The following PAPPA variants were observed in gnomAD, a reference collection of about 807,000 sequenced individuals.
PAPPA encodes pappalysin 1.
A neutral mutation model predicts 164.0 loss-of-function variants in PAPPA; 60 were observed. The ratio of observed to expected loss-of-function variants is 0.37; its 90% CI spans 0.30 to 0.45. The LOEUF (loss-of-function observed/expected upper bound fraction) is 0.45, where lower values mean the gene tolerates loss of function less well. PAPPA is among the 20% of genes least tolerant of loss of function. PAPPA has a pLI of 1.00. For missense variants in PAPPA, 1,782 were observed against 2,087.3 expected (o/e 0.85, Z 2.85); for synonymous variants, 875 against 814.1 (o/e 1.07, Z -1.27).
At chr9:116,344,459 A>C in intron 13 of PAPPA, 84 bp from the exon 14 acceptor site, 1 of 1,377,434 alleles carries the variant, frequency 7.3e-7, no homozygotes, top group Non-Finnish European at 1.0e-6. Flanking sequence ...TCTTGGAGAA[A>C]GAGGCTCTTA....
intron 10 of PAPPA, among the ~76,000 whole-genome samples, chr9:116,322,410 CA>C (rs34749732): frequency 0.028 from 1,605 of 56,370 alleles, 17 homozygotes; most frequent in African/African-American, 0.075. Flanking sequence ...GACTTAGTCT[CA>C]AAAAAAAAAA....
At chr9:116,327,005 C>T (rs537467564) in intron 10 of PAPPA, among the ~76,000 whole-genome samples, 2 of 152,280 alleles carry the variant, frequency 1.3e-5, no homozygotes, top group African/African-American at 4.8e-5. Context: ...TAGGTTGTTA[C>T]ATCTTGGCTA....
rs551586565 is a variant in PAPPA, at chr9:116,252,829, T to C, written c.2733-13028T>C. On this transcript the variant is annotated intron_variant, in intron 7 of 21. Coordinates refer to ENST00000328252, the MANE Select transcript of PAPPA (RefSeq NM_002581.5). ...GGTATACCGTGAATTTCAGTCTAAA[T>C]GAACTGTTCTTAATCTAGAAAAATT... Among the ~76,000 whole-genome samples, 124 of 152,352 alleles carry C rather than the reference T, an allele frequency of 8.1e-4. 1 individual carries two copies. Among genetic ancestry groups the C allele is most frequent in the African/African-American group, 2.8e-3 (117 of 41,574 alleles).
chr9:116,172,768 G>A (rs1411821), intron 1 of PAPPA, among the ~76,000 whole-genome samples: 26,325 of 152,042 alleles, frequency 0.17, 2,897 homozygotes, highest in Non-Finnish European at 0.25. Flanking sequence ...TTACTGATCT[G>A]CTTGTTTCTA....
chr9:116,232,758 T>G (rs779690927), intron 6 of PAPPA, among the ~76,000 whole-genome samples: 1 of 152,198 alleles, frequency 6.6e-6, no homozygotes, highest in African/African-American at 2.4e-5. Context: ...CTTTTTTACA[T>G]CTAAGGGTTT....
At chr9:116,396,169 T>C (rs560126430) in intron 21 of PAPPA, among the ~76,000 whole-genome samples, 1 of 152,316 alleles carries the variant, frequency 6.6e-6, no homozygotes, top group African/African-American at 2.4e-5. Context: ...CTTATTCCTT[T>C]CTGAGCTTCA....
chr9:116,340,881 T>G (rs905244444), intron 13 of PAPPA, among the ~76,000 whole-genome samples: 4 of 152,174 alleles, frequency 2.6e-5, no homozygotes, highest in African/African-American at 9.7e-5. Flanking sequence ...GATCAGGTGA[T>G]TCATGGGACC....
At chr9:116,363,395 C>T (rs999179398) in intron 18 of PAPPA, among the ~76,000 whole-genome samples, 9 of 152,180 alleles carry the variant, frequency 5.9e-5, no homozygotes, top group Admixed American at 1.3e-4. Context: ...GCATAAACTG[C>T]ATTTTCAAAA....
intron 3 of PAPPA, among the ~76,000 whole-genome samples, chr9:116,211,377 A>G (rs1844304885): frequency 6.6e-6 from 1 of 152,210 alleles, no homozygotes; most frequent in Non-Finnish European, 1.5e-5. Flanking sequence ...ACCTTGGGTA[A>G]GTCCCTTCAC....
At chr9:116,220,810 A>G (rs1009871027) in intron 5 of PAPPA, among the ~76,000 whole-genome samples, 2 of 151,840 alleles carry the variant, frequency 1.3e-5, no homozygotes, top group African/African-American at 4.8e-5. Flanking sequence ...GCTTGAGCCC[A>G]GGAGGCGGAG....
At chr9:116,205,923 G>A (rs984399014) in intron 2 of PAPPA, among the ~76,000 whole-genome samples, 1 of 152,184 alleles carries the variant, frequency 6.6e-6, no homozygotes, top group Non-Finnish European at 1.5e-5. Context: ...GCTTAAGAAT[G>A]AGCCATCTCA....
chr9:116,338,149 T>A (rs952974277), intron 13 of PAPPA, among the ~76,000 whole-genome samples: 2 of 152,152 alleles, frequency 1.3e-5, no homozygotes, highest in African/African-American at 4.8e-5. Flanking sequence ...CAGTTTATTA[T>A]AAAATTGAAT....
chr9:116,159,042 C>T (rs1587933061), intron 1 of PAPPA, among the ~76,000 whole-genome samples: 2 of 152,188 alleles, frequency 1.3e-5, no homozygotes, highest in African/African-American at 4.8e-5. Flanking sequence ...ACCTACAGAT[C>T]GAAGAGGGTG....
chr9:116,292,622 GT>G (rs1406017826), intron 9 of PAPPA, among the ~76,000 whole-genome samples: 1 of 152,066 alleles, frequency 6.6e-6, no homozygotes, highest in African/African-American at 2.4e-5. Context: ...TTTTAGATAT[GT>G]TTTTTGATGT....
At chr9:116,233,922 G>A (rs1844628699) in intron 6 of PAPPA, among the ~76,000 whole-genome samples, 6 of 152,048 alleles carry the variant, frequency 3.9e-5, no homozygotes, top group Admixed American at 3.3e-4. Flanking sequence ...TGGGCATGGG[G>A]ACACATGCCT....
chr9:116,231,766 C>CTTTCTTTTTTT lies in PAPPA; in HGVS notation c.2234-3370_2234-3369insCTTTTTTTTTT, dbSNP rs752926276. Among the ~76,000 whole-genome samples the CTTTCTTTTTTT allele has an allele frequency of 9.2e-3, 527 of 57,540 alleles. 159 individuals are homozygous for CTTTCTTTTTTT. Among genetic ancestry groups the CTTTCTTTTTTT allele is most frequent in the Non-Finnish European group, 0.011 (363 of 32,220 alleles). 37.7% of individuals were successfully genotyped at this position (57,540 alleles called of 152,430 possible). On this transcript the variant is annotated intron_variant, in intron 6 of 21. Transcript: ENST00000328252. The stretch of plus-strand genomic sequence containing the variant: ...GTGGTTTTTCTTTTCTTTTCTTTTT[C>CTTTCTTTTTTT]TTTTTTTTTTTTGAGATGGAGTTTC...
chr9:116,379,655 C>G (rs1846701757), intron 20 of PAPPA, among the ~76,000 whole-genome samples: 1 of 152,090 alleles, frequency 6.6e-6, no homozygotes, highest in Non-Finnish European at 1.5e-5. Context: ...ATTTTGCTAG[C>G]AATCTAGGAT....
intron 10 of PAPPA, among the ~76,000 whole-genome samples, chr9:116,315,842 ATAATGTAATAG>A (rs1290450045): frequency 6.6e-6 from 1 of 152,260 alleles, no homozygotes; most frequent in Non-Finnish European, 1.5e-5. Context: ...AGTAATAACC[ATAATGTAATAG>A]TAATCACAGA....
chr9:116,272,519 T>C (rs1184314878), intron 9 of PAPPA, among the ~76,000 whole-genome samples: 2 of 152,232 alleles, frequency 1.3e-5, no homozygotes, highest in African/African-American at 2.4e-5. Context: ...GAAGACCATA[T>C]ACCATGTGTC....
Sources: allele counts gnomAD v4.1 joint callset (sites outside exome capture counted in the v4.1 genomes callset), GRCh38; gene constraint gnomAD v4.1.1; transcripts MANE v1.5; gene names NCBI Gene and HGNC (gene_info 2026-07-23, HGNC 2026-07-21).